Variants in PLCH1 observed in about 807,000 individuals in gnomAD.
PLCH1 encodes phospholipase C eta 1.
In PLCH1, 60 loss-of-function variants were observed where a neutral mutation model predicts 126.7. The observed-to-expected ratio is 0.47, with a 90% CI of 0.38 to 0.59. PLCH1 has a LOEUF of 0.59. Ranked by LOEUF, PLCH1 falls within the 20% of genes least tolerant of loss-of-function variation. The pLI is 0.00. For missense variants in PLCH1, 1,723 were observed against 2,040.0 expected (o/e 0.84, Z 2.99); for synonymous variants, 719 against 734.9 (o/e 0.98, Z 0.35).
intron 8 of PLCH1, among the ~76,000 whole-genome samples, chr3:155,560,470 T>C (rs968778113): frequency 6.6e-6 from 1 of 152,234 alleles, no homozygotes; most frequent in Non-Finnish European, 1.5e-5. Flanking sequence ...ATTGCTGGTA[T>C]GTACTCTCTG....
chr3:155,731,986 C>CAAAAAA (rs11449385), intron 1 of PLCH1, among the ~76,000 whole-genome samples: 1 of 68,280 alleles, frequency 1.5e-5, no homozygotes, highest in African/African-American at 5.0e-5. Flanking sequence ...GACCCTGTCT[C>CAAAAAA]AAAAAAAAAA....
chr3:155,560,652 C>T (rs1727452165), intron 8 of PLCH1, among the ~76,000 whole-genome samples: 3 of 152,124 alleles, frequency 2.0e-5, no homozygotes, highest in Non-Finnish European at 4.4e-5. Flanking sequence ...AAGCTAGAAA[C>T]TATCTGACAA....
At chr3:155,684,214 A>G (rs1328179462) in intron 2 of PLCH1, among the ~76,000 whole-genome samples, 1 of 152,200 alleles carries the variant, frequency 6.6e-6, no homozygotes, top group Non-Finnish European at 1.5e-5. Context: ...GCCCTGGGAC[A>G]CTACATATAC....
rs528418584 is a variant in PLCH1, at chr3:155,614,348, A to G, written c.80-17970T>C. ...GAGCCCACATAACAAAAGCAAGACT[A>G]AGTAGAAAGAACAAATCTGGAGGCA... is the stretch of plus-strand genomic sequence containing the variant. On this transcript the variant is annotated intron_variant, in intron 2 of 22. Coordinates refer to ENST00000460012, the MANE Select transcript of PLCH1 (RefSeq NM_014996.4). Among the ~76,000 whole-genome samples the G allele has an allele frequency of 2.6e-5, 4 of 152,328 alleles. No individual in the cohort carries two copies. The East Asian group carries it at 5.8e-4, about 22-fold the overall frequency.
chr3:155,564,235 A>G (rs1377974720), intron 8 of PLCH1, among the ~76,000 whole-genome samples: 1 of 152,164 alleles, frequency 6.6e-6, no homozygotes, highest in African/African-American at 2.4e-5. Context: ...AGTTTAATAA[A>G]TGTTGGCTAA....
chr3:155,583,105 C>G (rs1162530620), intron 6 of PLCH1, among the ~76,000 whole-genome samples: 3 of 149,300 alleles, frequency 2.0e-5, no homozygotes, highest in Non-Finnish European at 4.5e-5. Context: ...TAAATTTATA[C>G]TAATATGAAT....
chr3:155,716,390 A>G (rs1747510248), intron 1 of PLCH1, among the ~76,000 whole-genome samples: 1 of 152,232 alleles, frequency 6.6e-6, no homozygotes, highest in Non-Finnish European at 1.5e-5. Flanking sequence ...GTGTTAGGCC[A>G]TTCTTGCATT....
chr3:155,466,580 C>A (rs1177676339), intron 21 of PLCH1, among the ~76,000 whole-genome samples: 1 of 152,168 alleles, frequency 6.6e-6, no homozygotes, highest in Admixed American at 6.5e-5. Context: ...AATGCTCAGA[C>A]ACTGAAGAAC....
intron 2 of PLCH1, among the ~76,000 whole-genome samples, chr3:155,627,542 G>T (rs1005864280): frequency 6.6e-6 from 1 of 151,668 alleles, no homozygotes; most frequent in Non-Finnish European, 1.5e-5. Flanking sequence ...GCTGAGGTGG[G>T]AGAATGGCAT....
chr3:155,473,471 A>G (rs2107985417), intron 21 of PLCH1, among the ~76,000 whole-genome samples: 1 of 151,824 alleles, frequency 6.6e-6, no homozygotes, highest in East Asian at 1.9e-4. Flanking sequence ...GGGTAGGAAG[A>G]ATCAATATCG....
Position 155,636,507 on chromosome 3 carries a change from G to T in PLCH1, c.80-40129C>A, listed in dbSNP as rs1738738013. Among the ~76,000 whole-genome samples the T allele has an allele frequency of 2.0e-5, 3 of 152,102 alleles. No individual in the cohort carries two copies. The South Asian group carries it at 6.2e-4, about 32-fold the overall frequency. ...TCTCGCCTGTAATCCCAGCACTTTG[G>T]GAGGCTGAGGCGGGTGGATTACCTG... On this transcript the variant is annotated intron_variant, in intron 2 of 22. Coordinates refer to ENST00000460012, the MANE Select transcript of PLCH1 (RefSeq NM_014996.4).
intron 2 of PLCH1, among the ~76,000 whole-genome samples, chr3:155,679,703 G>A (rs1281820476): frequency 5.9e-5 from 9 of 152,172 alleles, no homozygotes; most frequent in Admixed American, 3.9e-4. Context: ...TAGGAACCAT[G>A]TCACTTAATG....
chr3:155,468,513 G>A (rs968099175), intron 21 of PLCH1, among the ~76,000 whole-genome samples: 4 of 151,902 alleles, frequency 2.6e-5, no homozygotes, highest in African/African-American at 7.3e-5. Context: ...TCACCTACAC[G>A]GACACACATA....
chr3:155,653,196 G>GATCTATAT, intron 2 of PLCH1, among the ~76,000 whole-genome samples: 1 of 149,354 alleles, frequency 6.7e-6, no homozygotes, highest in East Asian at 2.0e-4. Flanking sequence ...TAGATATATA[G>GATCTATAT]ATATAGATGA....
At chr3:155,684,565 T>C (rs966053481) in intron 2 of PLCH1, among the ~76,000 whole-genome samples, 4 of 152,060 alleles carry the variant, frequency 2.6e-5, no homozygotes, top group African/African-American at 9.7e-5. Context: ...AACCCTGTAA[T>C]GTCTGAGGAA....
chr3:155,655,310 C>A (rs1370391229), intron 2 of PLCH1, among the ~76,000 whole-genome samples: 1 of 152,054 alleles, frequency 6.6e-6, no homozygotes, highest in African/African-American at 2.4e-5. Context: ...GTGGCACATG[C>A]CTGTAGTCCC....
intron 2 of PLCH1, among the ~76,000 whole-genome samples, chr3:155,648,026 T>C (rs1369586253): frequency 6.6e-6 from 1 of 152,216 alleles, no homozygotes; most frequent in African/African-American, 2.4e-5. Context: ...TAAAACTGAA[T>C]TTGTACAAGT....
At chr3:155,623,794 G>T (rs1241296975) in intron 2 of PLCH1, among the ~76,000 whole-genome samples, 1 of 152,132 alleles carries the variant, frequency 6.6e-6, no homozygotes, top group Admixed American at 6.5e-5. Flanking sequence ...GGACCAGACA[G>T]ATTCACAGTC....
At chr3:155,506,688 T>C (rs1422083363) in intron 12 of PLCH1, among the ~76,000 whole-genome samples, 8 of 148,714 alleles carry the variant, frequency 5.4e-5, no homozygotes, top group African/African-American at 2.0e-4. Flanking sequence ...GAACTCGTCA[T>C]TTTTTATGGC....
Sources: gnomAD v4.1 joint callset for allele counts (sites outside exome capture counted in the v4.1 genomes callset) on GRCh38, gnomAD v4.1.1 for gene constraint, MANE v1.5 for transcripts, NCBI Gene and HGNC (gene_info 2026-07-23, HGNC 2026-07-21) for gene names.